The following DDX25 variants were observed in gnomAD, a reference collection of about 807,000 sequenced individuals.
DDX25 encodes the protein DEAD-box helicase 25.
DDX25 carries 70 observed loss-of-function variants against 64.6 expected under a neutral mutation model. That is an observed-to-expected ratio of 1.08 (90% CI 0.89 to 1.32). The LOEUF (loss-of-function observed/expected upper bound fraction) is 1.32. DDX25 is among the 40% of genes most tolerant of loss of function. The pLI is 0.00. For missense variants in DDX25, 587 were observed against 604.4 expected (o/e 0.97, Z 0.30); for synonymous variants, 211 against 213.3 (o/e 0.99, Z 0.09).
At chr11:125,907,395 T>C (rs1256868426) in intron 4 of DDX25, among the ~76,000 whole-genome samples, 1 of 151,996 alleles carries the variant, frequency 6.6e-6, no homozygotes, top group Non-Finnish European at 1.5e-5. Flanking sequence ...GATCACGAGG[T>C]CAGGAGATCG....
Position 125,905,248 on chromosome 11 carries a change from G to T in DDX25, c.100G>T (p.Gly34Cys). The change falls in exon 2 of 12, where the codon GGT (glycine) becomes TGT (cysteine). Residue 34 changes from glycine to cysteine, a missense_variant. Coordinates refer to ENST00000263576, the MANE Select transcript of DDX25 (RefSeq NM_013264.5). ...NLSQPRKNLW[G>C]IKSTAVRNID... Reference sequence around the variant, plus strand: ...CAGCCAACCCCGGAAGAACCTTTGGGGTATTAAGAGTACTGCAGTCCGAAA... The same window carrying T: ...CAGCCAACCCCGGAAGAACCTTTGGTGTATTAAGAGTACTGCAGTCCGAAA... 6.4e-7 allele frequency: 1 copy of T among 1,551,598 alleles called. No individual in the cohort carries two copies. The highest frequency in any genetic ancestry group is 8.7e-7 in the Non-Finnish European group (1 of 1,146,972).
At chr11:125,908,132 G>A in intron 4 of DDX25, 64 bp from the exon 5 acceptor site, 2 of 1,307,818 alleles carry the variant, frequency 1.5e-6, no homozygotes, top group South Asian at 2.7e-5. Flanking sequence ...CACCTTTCAG[G>A]TATGTATTTC....
At chr11:125,918,930 TC>T in intron 10 of DDX25, 140 bp downstream of exon 10, 1 of 1,055,298 alleles carries the variant, frequency 9.5e-7, no homozygotes, top group Non-Finnish European at 1.3e-6. Context: ...CATCTCCATC[TC>T]CCCAGTTTCC....
chr11:125,906,183 A>T lies in DDX25; in HGVS notation c.285A>T (p.Ser95=), dbSNP rs1217276493. The change falls in exon 4 of 12, where the codon TCA becomes TCT. Residue 95 remains serine, a synonymous_variant. Transcript: ENST00000263576. ...AGGATCCCAGCTCTCCACTTTACTC[A>T]GTAAAGACATTTGAAGAGCTGCGGC... is the stretch of plus-strand genomic sequence containing the variant. ...LQKDPSSPLY[S]VKTFEELRLK... 1 of 1,545,962 alleles carries T rather than the reference A, an allele frequency of 6.5e-7. No homozygotes were observed. Among genetic ancestry groups the T allele is most frequent in the Non-Finnish European group, 8.7e-7 (1 of 1,145,542 alleles).
At chr11:125,919,227 A>G (rs1250449360) in intron 10 of DDX25, among the ~76,000 whole-genome samples, 1 of 152,182 alleles carries the variant, frequency 6.6e-6, no homozygotes. Context: ...GTTTGTGGCT[A>G]TATTTAACAA....
chr11:125,920,497 C>T (rs141041947), intron 10 of DDX25, among the ~76,000 whole-genome samples: 23 of 151,962 alleles, frequency 1.5e-4, no homozygotes, highest in East Asian at 5.8e-4. Context: ...TGAGAATTTA[C>T]GTTTGTTCAG....
intron 8 of DDX25, among the ~76,000 whole-genome samples, chr11:125,913,634 T>C (rs573778487): frequency 1.3e-5 from 2 of 152,102 alleles, no homozygotes; most frequent in South Asian, 2.1e-4. Flanking sequence ...CTTTTTTTTT[T>C]CTCTCGCGAG....
chr11:125,905,198 G>A lies in DDX25; in HGVS notation c.64-14G>A, dbSNP rs1318563679. The A allele has an allele frequency of 2.6e-6, 4 of 1,551,284 alleles. No homozygotes were observed. Among genetic ancestry groups the A allele is most frequent in the Non-Finnish European group, 3.5e-6 (4 of 1,146,828 alleles). Reference sequence around the variant, plus strand: ...TGCATCCTAATATTGGTTGAAATTTGTGTCTCTCAATAGTTTTCAAACCTC... The same window carrying A: ...TGCATCCTAATATTGGTTGAAATTTATGTCTCTCAATAGTTTTCAAACCTC... On this transcript the variant is annotated splice_polypyrimidine_tract_variant and intron_variant, in intron 1 of 11. Coordinates refer to ENST00000263576, the MANE Select transcript of DDX25 (RefSeq NM_013264.5).
Position 125,921,512 on chromosome 11 carries a change from T to A in DDX25, c.1390+133T>A, listed in dbSNP as rs1945115839. On this transcript the variant is annotated intron_variant, in intron 11 of 11. Transcript: ENST00000263576. This position sits in a 1 kb window ranked among gnomAD's most constrained non-coding sequence, Gnocchi z 4.1. ...AATGCATGAGCTGGAAGGCTTCTAA[T>A]TCACAGGACCAGGGTTCTAATATGA... is the stretch of plus-strand genomic sequence containing the variant. 1 of 970,680 alleles carries A rather than the reference T, an allele frequency of 1.0e-6. No individual in the cohort carries two copies. The highest frequency in any genetic ancestry group is 1.5e-6 in the Non-Finnish European group (1 of 674,322). The allele number at this position is 970,680 out of a possible 1,614,324, so 60.1% of individuals were successfully genotyped here.
In DDX25 at chr11:125,918,667, C is replaced by A; in HGVS notation, c.1078C>A (p.Gln360Lys). 6.2e-7 allele frequency: 1 copy of A among 1,613,846 alleles called. No homozygotes were observed. Among genetic ancestry groups the A allele is most frequent in the Non-Finnish European group, 8.5e-7 (1 of 1,179,854 alleles). ...NAKWLTVEMI[Q>K]DGHQVSLLSG... is the part of the protein sequence containing the mutation. ...TAAGTGGTTGACCGTGGAGATGATACAGGATGGCCACCAGGTGTCTTTGTT... is the reference window on the plus strand; with the variant it reads ...TAAGTGGTTGACCGTGGAGATGATAAAGGATGGCCACCAGGTGTCTTTGTT... The change falls in exon 10 of 12, where the codon CAG (glutamine) becomes AAG (lysine). Residue 360 changes from glutamine to lysine, a missense_variant. Transcript: ENST00000263576.
chr11:125,920,986 T>G (rs148289896), intron 10 of DDX25: 1 of 570,644 alleles, frequency 1.8e-6, no homozygotes, highest in African/African-American at 1.9e-5. Context: ...TGTAGCATTC[T>G]CTATGGACAC....
At chr11:125,906,657 C>G (rs632938) in intron 4 of DDX25, among the ~76,000 whole-genome samples, 1 of 151,678 alleles carries the variant, frequency 6.6e-6, no homozygotes, top group African/African-American at 2.4e-5. Flanking sequence ...AAAACCCCCT[C>G]TCCACTAAAA....
intron 10 of DDX25, 90 bp downstream of exon 10, chr11:125,918,880 C>T: frequency 7.4e-7 from 1 of 1,354,088 alleles, no homozygotes; most frequent in Non-Finnish European, 1.0e-6. Flanking sequence ...TTTCGACAAA[C>T]ATGCAATCAT....
chr11:125,921,438 G>A lies in DDX25; in HGVS notation c.1390+59G>A. 1.3e-6 allele frequency: 2 copies of A among 1,554,314 alleles called. No homozygotes were observed. Among genetic ancestry groups the A allele is most frequent in the Non-Finnish European group, 8.7e-7 (1 of 1,147,606 alleles). On this transcript the variant is annotated intron_variant, in intron 11 of 11. Coordinates refer to ENST00000263576, the MANE Select transcript of DDX25 (RefSeq NM_013264.5). This position sits in a 1 kb window ranked among gnomAD's most constrained non-coding sequence, Gnocchi z 4.1. The stretch of plus-strand genomic sequence containing the variant: ...GACCTGCCGGTCTGACAGTGATGAT[G>A]TGTGCTGGAGAGCTGGAGTCCAGGG...
intron 4 of DDX25, among the ~76,000 whole-genome samples, chr11:125,907,146 G>C (rs369434832): frequency 1.2e-4 from 18 of 152,266 alleles, no homozygotes; most frequent in African/African-American, 4.1e-4. Context: ...GCTAAAAAAT[G>C]TATTTTTACA....
Position 125,921,155 on chromosome 11 carries a change from G to A in DDX25, c.1202-36G>A. The A allele has an allele frequency of 1.3e-6, 2 of 1,575,076 alleles. No homozygotes were observed. Among genetic ancestry groups the A allele is most frequent in the Non-Finnish European group, 1.7e-6 (2 of 1,158,428 alleles). On this transcript the variant is annotated intron_variant, in intron 10 of 11. Transcript: ENST00000263576. This position sits in a 1 kb window ranked among gnomAD's most constrained non-coding sequence, Gnocchi z 4.1. ...TTGAATGGCCCGTGTACTGAGGAAA[G>A]CATTGCAGGACCCTACAGTGTTTTT...
rs776191093 is a variant in DDX25, at chr11:125,922,894, ATTG to A, written c.*16_*18del. 5 of 1,599,032 alleles carry A rather than the reference ATTG, an allele frequency of 3.1e-6. No individual in the cohort carries two copies. The highest frequency in any genetic ancestry group is 1.1e-5 in the South Asian group (1 of 88,446). ...GATTGACTATTGAAGAAAGAACTTT[ATTG>A]TTTGTGCAGTATCCTAGTTTATGTG... On this transcript the variant is annotated 3_prime_UTR_variant, in exon 12 of 12. Transcript: ENST00000263576.
chr11:125,925,466 T>C lies in DDX25; in HGVS notation c.*2585T>C, dbSNP rs1472642747. On this transcript the variant is annotated 3_prime_UTR_variant, in exon 12 of 12. Coordinates refer to ENST00000263576, the MANE Select transcript of DDX25 (RefSeq NM_013264.5). ...GCTGTTTTTTGCAGGGTGCAGCTCC[T>C]GTCAGAGCTGTAAGCAATTTTCCCG... is the stretch of plus-strand genomic sequence containing the variant. The C allele has an allele frequency of 8.8e-6, 4 of 456,234 alleles. No homozygotes were observed. The highest frequency in any genetic ancestry group is 1.8e-5 in the Non-Finnish European group (4 of 226,946). 28.3% of individuals were successfully genotyped at this position (456,234 alleles called of 1,614,324 possible).
intron 6 of DDX25, among the ~76,000 whole-genome samples, chr11:125,909,901 C>G (rs1944944127): frequency 6.6e-6 from 1 of 152,202 alleles, no homozygotes; most frequent in Non-Finnish European, 1.5e-5. Flanking sequence ...ATCCGCCCAC[C>G]TCAGCCTCCC....
Sources: gnomAD v4.1 joint callset for allele counts (sites outside exome capture counted in the v4.1 genomes callset) on GRCh38, gnomAD v4.1.1 for gene constraint, Gnocchi (gnomAD v3.1) non-coding constraint, MANE v1.5 for transcripts, NCBI Gene and HGNC (gene_info 2026-07-23, HGNC 2026-07-21) for gene names.